LAMC3: variants seen among roughly 807,000 people sequenced by gnomAD.
The protein encoded by LAMC3 is laminin subunit gamma 3.
In LAMC3, 128 loss-of-function variants were observed where a neutral mutation model predicts 173.8. The observed-to-expected ratio is 0.74, with a 90% confidence interval of 0.64 to 0.85. LAMC3 has a LOEUF of 0.85. LAMC3 is among the 40% of genes least tolerant of loss of function. LAMC3 has a pLI of 0.00. For synonymous variants in LAMC3, 897 were observed against 909.1 expected, an observed-to-expected ratio of 0.99 and a Z score of 0.24; for missense variants, 2,022 against 2,156.0, an observed-to-expected ratio of 0.94 and a Z score of 1.23.
At chr9:131,086,266 C>T (rs996642672) in intron 25 of LAMC3, among the ~76,000 whole-genome samples, 14 of 151,704 alleles carry the variant, frequency 9.2e-5, no homozygotes, top group Non-Finnish European at 1.8e-4. Flanking sequence ...TTTAGTAGAG[C>T]GGGGTTTCAC....
At chr9:131,064,929 T>A (rs1829900471) in intron 13 of LAMC3, among the ~76,000 whole-genome samples, 1 of 149,720 alleles carries the variant, frequency 6.7e-6, no homozygotes, top group Admixed American at 6.7e-5. Flanking sequence ...TAATCCCAGA[T>A]ACTCGCGAGG....
intron 1 of LAMC3, among the ~76,000 whole-genome samples, chr9:131,017,248 G>A (rs185640778): frequency 6.6e-6 from 1 of 152,306 alleles, no homozygotes; most frequent in Non-Finnish European, 1.5e-5. Context: ...AGGGGAGCTT[G>A]GAGCCACTTG....
intron 3 of LAMC3, among the ~76,000 whole-genome samples, chr9:131,033,058 G>T (rs978057720): frequency 6.6e-6 from 1 of 152,146 alleles, no homozygotes; most frequent in Admixed American, 6.5e-5. Context: ...GGTCCTATGC[G>T]CCATTAGCAC....
At chr9:131,064,891 A>G (rs1370721173) in intron 13 of LAMC3, among the ~76,000 whole-genome samples, 2 of 151,510 alleles carry the variant, frequency 1.3e-5, no homozygotes, top group Non-Finnish European at 2.9e-5. Context: ...AAATACAAAA[A>G]TTAGCTGGGT....
intron 1 of LAMC3, among the ~76,000 whole-genome samples, chr9:131,019,092 A>G (rs556674688): frequency 1.4e-4 from 21 of 152,252 alleles, no homozygotes; most frequent in Non-Finnish European, 2.4e-4. Flanking sequence ...GTGAAATCCC[A>G]TCTCTACAGA....
At chr9:131,085,423 C>A in intron 24 of LAMC3, 101 bp from the exon 25 acceptor site, 1 of 1,197,100 alleles carries the variant, frequency 8.4e-7, no homozygotes, top group Non-Finnish European at 1.2e-6. Context: ...ACTCGTTGTC[C>A]AAGGGTCTGT....
intron 25 of LAMC3, 62 bp downstream of exon 25, chr9:131,085,785 G>A (rs1400283932): frequency 7.8e-6 from 12 of 1,530,166 alleles, no homozygotes; most frequent in Admixed American, 5.2e-5. Context: ...GCCCTTCCGC[G>A]GGCCCCTTCC....
In LAMC3 at chr9:131,022,171, G is replaced by A. The variant is rs141827446; in HGVS notation, c.374-4114G>A. Reference sequence around the variant, plus strand: ...ACACCCAAAATTCTAATGAAAGACCGTAAGGAGGGCTATGGGAGTCATAAG... The same window carrying A: ...ACACCCAAAATTCTAATGAAAGACCATAAGGAGGGCTATGGGAGTCATAAG... On this transcript the variant is annotated intron_variant, in intron 1 of 27. Coordinates refer to ENST00000361069, the MANE Select transcript of LAMC3 (RefSeq NM_006059.4). Among the ~76,000 whole-genome samples the A allele has an allele frequency of 4.6e-3, 688 of 151,002 alleles. 21 individuals carry two copies. Among genetic ancestry groups the A allele is most frequent in the East Asian group, 0.013 (69 of 5,142 alleles).
intron 27 of LAMC3, 124 bp downstream of exon 27, chr9:131,087,941 C>T (rs1311172861): frequency 2.5e-6 from 2 of 785,076 alleles, no homozygotes; most frequent in Middle Eastern, 3.2e-4. Flanking sequence ...TTCCCGCATC[C>T]CCATCTTTGT....
At chr9:131,046,500 T>G (rs1834162004) in intron 8 of LAMC3, among the ~76,000 whole-genome samples, 1 of 147,382 alleles carries the variant, frequency 6.8e-6, no homozygotes, top group Non-Finnish European at 1.5e-5. Flanking sequence ...TGCACCACCA[T>G]GCCGAGCTAA....
chr9:131,034,311 C>T (rs1231168733), intron 3 of LAMC3, among the ~76,000 whole-genome samples: 1 of 152,212 alleles, frequency 6.6e-6, no homozygotes, highest in African/African-American at 2.4e-5. Flanking sequence ...ACCACTGTCC[C>T]CAGGATTGCC....
At chr9:131,074,124 T>A (rs963210659) in intron 20 of LAMC3, among the ~76,000 whole-genome samples, 1 of 151,426 alleles carries the variant, frequency 6.6e-6, no homozygotes, top group Admixed American at 6.6e-5. Context: ...TTTTTTTGTA[T>A]TTTTAGTAGA....
In LAMC3 at chr9:131,068,091, C is replaced by CGACA; in HGVS notation, c.2607_2608insGACA (p.Pro870AspfsTer8). 1.2e-6 allele frequency: 2 copies of CGACA among 1,611,642 alleles called. No homozygotes were observed. Among genetic ancestry groups the CGACA allele is most frequent in the Non-Finnish European group, 1.7e-6 (2 of 1,180,014 alleles). Reference sequence around the variant, plus strand: ...TCCTGCCCCCAGCTTGCAGCTGTCACCCACAGGGCTCGGTCAGTGAGCAGA... The same window carrying CGACA: ...TCCTGCCCCCAGCTTGCAGCTGTCACGACACCACAGGGCTCGGTCAGTGAGCAGA... On this transcript the variant is annotated frameshift_variant, in exon 15 of 28. Transcript: ENST00000361069. LOFTEE classifies it high-confidence loss of function.
chr9:131,037,924 C>G (rs1833974141), intron 4 of LAMC3, among the ~76,000 whole-genome samples: 1 of 152,244 alleles, frequency 6.6e-6, no homozygotes. Context: ...CTGCTAGCCT[C>G]TGACTTCACA....
chr9:131,087,626 C>T lies in LAMC3; in HGVS notation c.4377+4C>T, dbSNP rs761820113. The T allele has an allele frequency of 1.9e-5, 30 of 1,613,788 alleles. No individual in the cohort carries two copies. The highest frequency in any genetic ancestry group is 1.6e-4 in the Middle Eastern group (1 of 6,084). ...GGAGCTGGAGGAAGCTGAGCGGGTA[C>T]GTTTGCCAGGGCCCCTACCCTATCG... is the stretch of plus-strand genomic sequence containing the variant. On this transcript the variant is annotated splice_donor_region_variant and intron_variant, in intron 26 of 27. Transcript: ENST00000361069.
chr9:131,064,983 G>A (rs1030033654), intron 13 of LAMC3, among the ~76,000 whole-genome samples: 41 of 149,606 alleles, frequency 2.7e-4, no homozygotes, highest in African/African-American at 1.0e-3. Flanking sequence ...GGGGCTTGCG[G>A]TGAGCCGAGA....
intron 11 of LAMC3, among the ~76,000 whole-genome samples, chr9:131,054,482 G>T (rs183653156): frequency 6.6e-6 from 1 of 152,308 alleles, no homozygotes; most frequent in African/African-American, 2.4e-5. Context: ...AGCCGGGCGT[G>T]GTGGCTCACG....
At chr9:131,021,738 ACTT>A (rs2133218844) in intron 1 of LAMC3, among the ~76,000 whole-genome samples, 1 of 152,230 alleles carries the variant, frequency 6.6e-6, no homozygotes, top group Admixed American at 6.5e-5. Context: ...GGCCTCACGA[ACTT>A]CTGACAGATT....
chr9:131,060,527 C>G (rs997001050), intron 12 of LAMC3, among the ~76,000 whole-genome samples: 1 of 151,998 alleles, frequency 6.6e-6, no homozygotes, highest in Non-Finnish European at 1.5e-5. Context: ...GCCTGTAACC[C>G]CAGCTACTTG....
Sources: gnomAD v4.1 joint callset for allele counts (sites outside exome capture counted in the v4.1 genomes callset) on GRCh38, gnomAD v4.1.1 for gene constraint, MANE v1.5 for transcripts, NCBI Gene and HGNC (gene_info 2026-07-23, HGNC 2026-07-21) for gene names.